Variants in KMT2E observed in about 807,000 individuals in gnomAD.
KMT2E encodes the protein lysine methyltransferase 2E (inactive).
In KMT2E, 30 loss-of-function variants were observed where a neutral mutation model predicts 184.6. The ratio of observed to expected loss-of-function variants is 0.16; its 90% CI spans 0.12 to 0.22. The LOEUF (loss-of-function observed/expected upper bound fraction) is 0.22, where lower values mean the gene tolerates loss of function less well. Ranked by LOEUF, KMT2E falls within the 10% of genes least tolerant of loss-of-function variation. The pLI is 1.00. For missense variants in KMT2E, 2,023 were observed against 2,237.4 expected (o/e 0.90, Z 1.93); for synonymous variants, 815 against 776.5 (o/e 1.05, Z -0.82).
chr7:105,079,510 C>CTTTTTT (rs1319239057), intron 12 of KMT2E, among the ~76,000 whole-genome samples: 1 of 113,936 alleles, frequency 8.8e-6, no homozygotes, highest in South Asian at 2.8e-4. Context: ...TATTGGACTT[C>CTTTTTT]CTTTTTTTTT....
intron 3 of KMT2E, among the ~76,000 whole-genome samples, chr7:105,059,978 G>GTGT (rs1796734522): frequency 7.7e-5 from 4 of 51,766 alleles, no homozygotes; most frequent in Non-Finnish European, 1.6e-4. Flanking sequence ...TCTTGTTGTT[G>GTGT]TTTTTTTTTT....
At chr7:105,061,126 T>C (rs898645747) in intron 3 of KMT2E, among the ~76,000 whole-genome samples, 8 of 152,016 alleles carry the variant, frequency 5.3e-5, no homozygotes, top group African/African-American at 1.9e-4. Flanking sequence ...CAGCAGCCAC[T>C]GAGAGCTAAA....
In KMT2E at chr7:105,114,537, T is replaced by A. The variant is rs1799519152; in HGVS notation, c.*1204T>A. ...TAAAATGCTAGTTAGTTATTAATTA[T>A]TAATCTTCAAAAAATTAAAAATTTC... On this transcript the variant is annotated 3_prime_UTR_variant, in exon 27 of 27. Transcript: ENST00000311117. Among the ~76,000 whole-genome samples, 1 of 152,018 alleles carries A rather than the reference T, an allele frequency of 6.6e-6. No homozygotes were observed. The highest frequency in any genetic ancestry group is 1.5e-5 in the Non-Finnish European group (1 of 67,968).
chr7:105,066,232 T>A (rs947034828), intron 5 of KMT2E, among the ~76,000 whole-genome samples: 7 of 152,178 alleles, frequency 4.6e-5, no homozygotes, highest in African/African-American at 1.7e-4. Context: ...TGTACTTCAT[T>A]AATCCAATTT....
At chr7:105,100,900 C>T (rs1411207738) in intron 15 of KMT2E, among the ~76,000 whole-genome samples, 1 of 152,174 alleles carries the variant, frequency 6.6e-6, no homozygotes, top group East Asian at 1.9e-4. Context: ...ATCTTACTGT[C>T]TCAGAAAGGT....
At chr7:105,045,578 C>A in intron 3 of KMT2E, among the ~76,000 whole-genome samples, 1 of 152,262 alleles carries the variant, frequency 6.6e-6, no homozygotes, top group South Asian at 2.1e-4. Flanking sequence ...TTTTACTTAG[C>A]ATAATGTTTT....
At chr7:105,028,316 G>T (rs1440574521) in intron 1 of KMT2E, among the ~76,000 whole-genome samples, 1 of 151,860 alleles carries the variant, frequency 6.6e-6, no homozygotes. Context: ...CCACAGGCAT[G>T]GGCCACCATG....
intron 7 of KMT2E, 132 bp from the exon 8 acceptor site, chr7:105,074,511 G>A (rs1039075805): frequency 1.8e-6 from 1 of 566,904 alleles, no homozygotes; most frequent in Admixed American, 3.7e-5. Flanking sequence ...TAAGTGAGGT[G>A]AGTGAACAAG....
At chr7:105,017,005 G>T (rs1794742644) in intron 1 of KMT2E, among the ~76,000 whole-genome samples, 1 of 152,172 alleles carries the variant, frequency 6.6e-6, no homozygotes, top group South Asian at 2.1e-4. Flanking sequence ...GGCGAAATTT[G>T]TGTAGGGTTT....
At chr7:105,069,622 G>A (rs1797196794) in intron 6 of KMT2E, among the ~76,000 whole-genome samples, 2 of 152,178 alleles carry the variant, frequency 1.3e-5, no homozygotes, top group Admixed American at 1.3e-4. Flanking sequence ...AAAATTAAAT[G>A]TTCTGAGTTG....
intron 3 of KMT2E, among the ~76,000 whole-genome samples, chr7:105,051,960 T>C (rs1375628738): frequency 6.6e-6 from 1 of 152,192 alleles, no homozygotes; most frequent in East Asian, 1.9e-4. Context: ...TTGTAATCTC[T>C]TGACTAGACA....
chr7:105,085,186 T>C (rs140419585), intron 13 of KMT2E, among the ~76,000 whole-genome samples: 230 of 152,352 alleles, frequency 1.5e-3, no homozygotes, highest in African/African-American at 5.3e-3. Flanking sequence ...AAACTTGTGT[T>C]GTTCAAGGGT....
intron 2 of KMT2E, among the ~76,000 whole-genome samples, chr7:105,039,605 G>T (rs1459563168): frequency 6.6e-6 from 1 of 152,090 alleles, no homozygotes; most frequent in Non-Finnish European, 1.5e-5. Flanking sequence ...ACATTATGGG[G>T]GAAGATTACC....
chr7:105,046,027 C>T lies in KMT2E; in HGVS notation c.71+5004C>T, dbSNP rs117330355. Among the ~76,000 whole-genome samples the T allele has an allele frequency of 4.6e-5, 7 of 152,188 alleles. No homozygotes were observed. In the East Asian group the frequency reaches 1.3e-3, roughly 29 times the overall value. On this transcript the variant is annotated intron_variant, in intron 3 of 26. Coordinates refer to ENST00000311117, the MANE Select transcript of KMT2E (RefSeq NM_182931.3). ...ACTTCTATAGCTTTCACTGTTTTTG[C>T]ATGCTCATGACTTCCAAATCATCCT...
chr7:105,029,655 G>A (rs373607013), intron 1 of KMT2E, among the ~76,000 whole-genome samples: 6 of 152,088 alleles, frequency 3.9e-5, no homozygotes, highest in African/African-American at 1.2e-4. Flanking sequence ...AAACTGGAAC[G>A]AAAGAAGGAG....
intron 2 of KMT2E, among the ~76,000 whole-genome samples, chr7:105,040,007 AC>A (rs980162021): frequency 1.3e-4 from 20 of 152,266 alleles, no homozygotes; most frequent in African/African-American, 4.8e-4. Flanking sequence ...TTAAAAAAAA[AC>A]TTCATTAGTT....
Position 105,051,092 on chromosome 7 carries a change from T to TCTTCTTC in KMT2E, c.71+10069_71+10070insCTTCTTC, listed in dbSNP as rs1562892262. Among the ~76,000 whole-genome samples the TCTTCTTC allele has an allele frequency of 5.7e-4, 77 of 134,248 alleles. 1 individual carries two copies. The highest frequency in any genetic ancestry group is 7.9e-3 in the Middle Eastern group (2 of 254). The allele number at this position is 134,248 out of a possible 152,430, so 88.1% of individuals were successfully genotyped here. On this transcript the variant is annotated intron_variant, in intron 3 of 26. Coordinates refer to ENST00000311117, the MANE Select transcript of KMT2E (RefSeq NM_182931.3). ...CTTTCTTTCTTCTTCTTTCTTTCTT[T>TCTTCTTC]TTTCTCTCTCTCTCTCTTTCTTCCT...
intron 3 of KMT2E, among the ~76,000 whole-genome samples, chr7:105,056,369 G>T (rs1000985416): frequency 6.6e-6 from 1 of 152,066 alleles, no homozygotes; most frequent in African/African-American, 2.4e-5. Context: ...GGAAAATCTG[G>T]CTCTATCTAT....
chr7:105,053,829 C>T (rs888466582), intron 3 of KMT2E, among the ~76,000 whole-genome samples: 1 of 152,122 alleles, frequency 6.6e-6, no homozygotes, highest in Non-Finnish European at 1.5e-5. Flanking sequence ...TAGCTATGCT[C>T]ACACCACTGC....
Sources: allele counts gnomAD v4.1 joint callset (sites outside exome capture counted in the v4.1 genomes callset), GRCh38; gene constraint gnomAD v4.1.1; transcripts MANE v1.5; gene names NCBI Gene and HGNC (gene_info 2026-07-23, HGNC 2026-07-21).